The following PALLD variants were observed in gnomAD, a reference collection of about 807,000 sequenced individuals.
The protein encoded by PALLD is palladin.
PALLD carries 61 observed loss-of-function variants against 123.5 expected under a neutral mutation model. The observed-to-expected ratio is 0.49, with a 90% CI of 0.40 to 0.61. The LOEUF (loss-of-function observed/expected upper bound fraction) is 0.61, where lower values mean the gene tolerates loss of function less well. PALLD is among the 20% of genes least tolerant of loss of function. The pLI, the probability that PALLD is intolerant of heterozygous loss-of-function variation, is 0.00. For missense variants in PALLD, 1,273 were observed against 1,377.0 expected (o/e 0.92, Z 1.20); for synonymous variants, 465 against 496.4 (o/e 0.94, Z 0.84).
At chr4:168,734,160 G>A (rs529875497) in intron 10 of PALLD, among the ~76,000 whole-genome samples, 84 of 152,116 alleles carry the variant, frequency 5.5e-4, no homozygotes, top group Admixed American at 2.6e-3. Flanking sequence ...TCTAGGATTT[G>A]AATTGGCATC....
At chr4:168,633,520 G>T (rs540623994) in intron 2 of PALLD, among the ~76,000 whole-genome samples, 1 of 152,178 alleles carries the variant, frequency 6.6e-6, no homozygotes, top group South Asian at 2.1e-4. Context: ...TTAGGAAAGA[G>T]ACCTACTTTG....
chr4:168,770,038 A>G (rs1734183281), intron 10 of PALLD, among the ~76,000 whole-genome samples: 1 of 152,194 alleles, frequency 6.6e-6, no homozygotes, highest in African/African-American at 2.4e-5. Flanking sequence ...CTATCTCTGT[A>G]GGAGACAGAG....
chr4:168,744,295 T>G (rs778999171), intron 10 of PALLD, among the ~76,000 whole-genome samples: 1 of 152,200 alleles, frequency 6.6e-6, no homozygotes, highest in Non-Finnish European at 1.5e-5. Context: ...CTTCTGTTTG[T>G]ATTGAGTCAG....
intron 10 of PALLD, among the ~76,000 whole-genome samples, chr4:168,863,055 CTA>C (rs1378323754): frequency 1.3e-5 from 2 of 152,196 alleles, no homozygotes; most frequent in African/African-American, 2.4e-5. Context: ...TAAATAATGA[CTA>C]TCGCTTTGAA....
intron 2 of PALLD, among the ~76,000 whole-genome samples, chr4:168,599,497 AT>A (rs1229490935): frequency 6.6e-6 from 1 of 152,102 alleles, no homozygotes; most frequent in Non-Finnish European, 1.5e-5. Flanking sequence ...GTACAAAAAT[AT>A]TCAATGAAGC....
chr4:168,890,804 T>A, intron 10 of PALLD, 118 bp from the exon 11 acceptor site: 1 of 1,023,550 alleles, frequency 9.8e-7, no homozygotes, highest in South Asian at 1.3e-5. Flanking sequence ...AGATGTAGCA[T>A]AAAAAATAGT....
At chr4:168,841,405 TTAAGGG>T (rs1746014984) in intron 10 of PALLD, among the ~76,000 whole-genome samples, 1 of 152,220 alleles carries the variant, frequency 6.6e-6, no homozygotes, top group South Asian at 2.1e-4. Context: ...AGGAAAGTTT[TTAAGGG>T]TAAATGCTTA....
At chr4:168,761,645 GTT>G (rs70961555) in intron 10 of PALLD, among the ~76,000 whole-genome samples, 8 of 88,020 alleles carry the variant, frequency 9.1e-5, no homozygotes, top group South Asian at 1.0e-3. Flanking sequence ...GTTGTTGTTT[GTT>G]TTTTTTTTTT....
At chr4:168,871,655 G>A (rs2062590) in intron 10 of PALLD, among the ~76,000 whole-genome samples, 12,803 of 152,102 alleles carry the variant, frequency 0.084, 624 homozygotes, top group Middle Eastern at 0.13. Context: ...ACTGGCCTTC[G>A]CATCAGTAGA....
At chr4:168,753,969 G>T (rs1210430508) in intron 10 of PALLD, among the ~76,000 whole-genome samples, 1 of 152,110 alleles carries the variant, frequency 6.6e-6, no homozygotes, top group African/African-American at 2.4e-5. Flanking sequence ...AATAGGTTAT[G>T]CAACAAGTAC....
intron 2 of PALLD, among the ~76,000 whole-genome samples, chr4:168,644,030 TG>T (rs1362286946): frequency 1.3e-5 from 2 of 151,582 alleles, no homozygotes; most frequent in African/African-American, 4.9e-5. Flanking sequence ...AAGAGAAAAA[TG>T]GTTTGGTAAT....
chr4:168,608,340 G>A (rs1282574466), intron 2 of PALLD, among the ~76,000 whole-genome samples: 1 of 152,152 alleles, frequency 6.6e-6, no homozygotes, highest in Non-Finnish European at 1.5e-5. Context: ...CCCCCCATTT[G>A]CATCTCAAGA....
chr4:168,818,091 A>G (rs375742644), intron 10 of PALLD, among the ~76,000 whole-genome samples: 2 of 152,208 alleles, frequency 1.3e-5, no homozygotes, highest in East Asian at 3.8e-4. Flanking sequence ...ACTTAAACTG[A>G]AATATAAACT....
intron 2 of PALLD, among the ~76,000 whole-genome samples, chr4:168,611,003 A>G (rs1020035514): frequency 2.0e-5 from 3 of 152,128 alleles, no homozygotes; most frequent in African/African-American, 7.2e-5. Flanking sequence ...TAATATCTAG[A>G]GTCTACTCCT....
At chr4:168,546,396 C>T (rs1766142732) in intron 2 of PALLD, among the ~76,000 whole-genome samples, 1 of 149,824 alleles carries the variant, frequency 6.7e-6, no homozygotes, top group Admixed American at 6.8e-5. Context: ...TTCCTTGCCT[C>T]CCCCAAATTA....
At chr4:168,655,306 GTGAATC>G (rs1778446631) in intron 2 of PALLD, among the ~76,000 whole-genome samples, 1 of 152,232 alleles carries the variant, frequency 6.6e-6, no homozygotes, top group Non-Finnish European at 1.5e-5. Context: ...GAAAAAGAAA[GTGAATC>G]CATTTCTGTA....
intron 6 of PALLD, among the ~76,000 whole-genome samples, chr4:168,689,136 A>G (rs13132845): frequency 0.028 from 4,224 of 152,340 alleles, 97 homozygotes; most frequent in Non-Finnish European, 0.043. Context: ...CAAAATGTCT[A>G]TCAAATGTCT....
rs80348838 is a variant in PALLD, at chr4:168,677,613, G to A, written c.1088-3719G>A. Among the ~76,000 whole-genome samples the A allele has an allele frequency of 8.5e-3, 1,297 of 152,006 alleles. 21 individuals are homozygous for A. Among genetic ancestry groups the A allele is most frequent in the African/African-American group, 0.03 (1,231 of 41,428 alleles). On this transcript the variant is annotated intron_variant, in intron 3 of 21. Coordinates refer to ENST00000505667, the MANE Select transcript of PALLD (RefSeq NM_001166108.2). ...GAGTGTGTGTGATAACTTCCATATGGTTTTTGCCACCCCTCCCCTTCTCCT... is the reference window on the plus strand; with the variant it reads ...GAGTGTGTGTGATAACTTCCATATGATTTTTGCCACCCCTCCCCTTCTCCT...
chr4:168,864,134 CAT>C (rs1432449923), intron 10 of PALLD, among the ~76,000 whole-genome samples: 1 of 152,194 alleles, frequency 6.6e-6, no homozygotes, highest in African/African-American at 2.4e-5. Context: ...CACACATACA[CAT>C]GAGAGATGAG....
Sources: allele counts gnomAD v4.1 joint callset (sites outside exome capture counted in the v4.1 genomes callset), GRCh38; gene constraint gnomAD v4.1.1; transcripts MANE v1.5; gene names NCBI Gene and HGNC (gene_info 2026-07-23, HGNC 2026-07-21).